Variants in ESRP1 observed in about 807,000 individuals in gnomAD.
The protein encoded by ESRP1 is RNA-binding motif protein 35A.
In ESRP1, 33 loss-of-function variants were observed where a neutral mutation model predicts 81.7. The observed-to-expected ratio is 0.40, with a 90% CI of 0.31 to 0.54. ESRP1 has a LOEUF of 0.54. ESRP1 is among the 20% of genes least tolerant of loss of function. The pLI, the probability that ESRP1 is intolerant of heterozygous loss-of-function variation, is 0.41. For synonymous variants in ESRP1, 320 were observed against 303.3 expected (o/e 1.06, Z -0.57); for missense variants, 672 against 833.1 (o/e 0.81, Z 2.38).
chr8:94,696,968 C>A lies in ESRP1; in HGVS notation c.*35+7C>A. ...AACATCCTCAGAAAAGAAGGTAAGG[C>A]TTTATGATGTGCAAGTTAAATTATA... On this transcript the variant is annotated splice_region_variant and intron_variant, in intron 15 of 15. Coordinates refer to ENST00000433389, the MANE Select transcript of ESRP1 (RefSeq NM_017697.4). The A allele has an allele frequency of 2.6e-6, 4 of 1,528,220 alleles. No individual in the cohort carries two copies. The highest frequency in any genetic ancestry group is 3.5e-6 in the Non-Finnish European group (4 of 1,135,352). The allele number at this position is 1,528,220 out of a possible 1,614,324, so 94.7% of individuals were successfully genotyped here.
At chr8:94,696,729 T>C in intron 14 of ESRP1, 123 bp from the exon 15 acceptor site, 1 of 686,230 alleles carries the variant, frequency 1.5e-6, no homozygotes, top group Non-Finnish European at 2.4e-6. Flanking sequence ...GGCTTGTACC[T>C]GTGTTTGTTT....
intron 15 of ESRP1, among the ~76,000 whole-genome samples, chr8:94,700,573 C>T (rs1809782435): frequency 2.0e-5 from 3 of 152,210 alleles, no homozygotes; most frequent in Admixed American, 6.5e-5. Flanking sequence ...ATGAATACCT[C>T]TTATTTTATG....
intron 10 of ESRP1, among the ~76,000 whole-genome samples, chr8:94,668,867 A>G (rs967911932): frequency 4.2e-5 from 6 of 144,446 alleles, no homozygotes; most frequent in African/African-American, 1.1e-4. Flanking sequence ...ATCTCTGCTC[A>G]CTGCAACCTC....
chr8:94,692,790 G>A lies in ESRP1; in HGVS notation c.1934G>A (p.Gly645Glu). Residue 645 changes from glycine (G) to glutamate (E), a missense_variant, in exon 14 of 16, where the codon GGA becomes GAA. Transcript: ENST00000433389. Reference protein sequence around the residue: ...VRMQGLAYNTGVKEILNFFQG... With the variant: ...VRMQGLAYNTEVKEILNFFQG... Reference sequence around the variant, plus strand: ...ATGCAGGGCCTGGCCTACAATACTGGAGTTAAGGAAATTCTTAACTTCTTC... The same window carrying A: ...ATGCAGGGCCTGGCCTACAATACTGAAGTTAAGGAAATTCTTAACTTCTTC... 1 of 1,613,680 alleles carries A rather than the reference G, an allele frequency of 6.2e-7. No homozygotes were observed. The highest frequency in any genetic ancestry group is 8.5e-7 in the Non-Finnish European group (1 of 1,179,804).
chr8:94,704,792 A>AAAAAC (rs1809997701), intron 15 of ESRP1, among the ~76,000 whole-genome samples: 1 of 132,106 alleles, frequency 7.6e-6, no homozygotes, highest in Admixed American at 7.8e-5. Context: ...AAAAAAAAAA[A>AAAAAC]ACTGCAGTGA....
chr8:94,679,289 T>A (rs755539245), intron 13 of ESRP1, among the ~76,000 whole-genome samples: 4 of 152,252 alleles, frequency 2.6e-5, no homozygotes, highest in Non-Finnish European at 4.4e-5. Flanking sequence ...CTATGACAGT[T>A]GTCAGCTAGC....
intron 13 of ESRP1, among the ~76,000 whole-genome samples, chr8:94,680,845 C>T (rs1183608998): frequency 6.6e-6 from 1 of 152,104 alleles, no homozygotes; most frequent in Non-Finnish European, 1.5e-5. Flanking sequence ...AAATCTGAAA[C>T]AGCATATTCT....
At position 94,672,651 on chromosome 8, in the gene ESRP1, G is replaced by T. The variant is rs1461743939; in HGVS notation, c.1452+980G>T. ...GAGTTCAAGCAATTCTCCTGCCTCA[G>T]CTTCCCGAGTAGCTGGGATTACAGG... is the stretch of plus-strand genomic sequence containing the variant. On this transcript the variant is annotated intron_variant, in intron 11 of 15. Transcript: ENST00000433389. 1.3e-4 allele frequency among the ~76,000 whole-genome samples: 20 copies of T among 152,104 alleles called. No homozygotes were observed. The South Asian group carries it at 1.5e-3, about 11-fold the overall frequency.
At chr8:94,667,189 G>C (rs563554893) in intron 9 of ESRP1, among the ~76,000 whole-genome samples, 1 of 150,834 alleles carries the variant, frequency 6.6e-6, no homozygotes, top group East Asian at 1.9e-4. Flanking sequence ...CTGCACTCCA[G>C]CCTAGGAGAC....
intron 13 of ESRP1, 56 bp from the exon 14 acceptor site, chr8:94,692,621 G>T (rs1481801378): frequency 2.0e-6 from 3 of 1,531,176 alleles, no homozygotes; most frequent in Non-Finnish European, 2.7e-6. Context: ...TGTTTTTATA[G>T]TAAGTATTCA....
chr8:94,643,951 G>A (rs1243433441), intron 3 of ESRP1, among the ~76,000 whole-genome samples: 1 of 152,176 alleles, frequency 6.6e-6, no homozygotes, highest in Non-Finnish European at 1.5e-5. Flanking sequence ...ACTTAAATAA[G>A]ATAACCTTAT....
chr8:94,703,636 C>T (rs915028106), intron 15 of ESRP1, among the ~76,000 whole-genome samples: 3 of 152,318 alleles, frequency 2.0e-5, no homozygotes. Flanking sequence ...TTGGTACTCA[C>T]TGACTCTAAT....
Position 94,653,064 on chromosome 8 carries a change from T to C in ESRP1, c.490+6782T>C, listed in dbSNP as rs184811895. Among the ~76,000 whole-genome samples the C allele has an allele frequency of 5.1e-4, 78 of 152,336 alleles. 2 individuals are homozygous for C. The East Asian group carries it at 0.013, about 26-fold the overall frequency. On this transcript the variant is annotated intron_variant, in intron 4 of 15. Transcript: ENST00000433389. ...TTAATTTTGTAAAATATGTATTCCA[T>C]GATAGGGTATTGCATTTGTATGTGC... is the stretch of plus-strand genomic sequence containing the variant.
At chr8:94,679,300 T>A (rs1808772498) in intron 13 of ESRP1, among the ~76,000 whole-genome samples, 1 of 152,254 alleles carries the variant, frequency 6.6e-6, no homozygotes, top group Non-Finnish European at 1.5e-5. Context: ...GTCAGCTAGC[T>A]GTCTTCTGAA....
At chr8:94,646,102 C>T in intron 3 of ESRP1, 66 bp from the exon 4 acceptor site, 16 of 835,430 alleles carry the variant, frequency 1.9e-5, no homozygotes, top group South Asian at 9.5e-5. Flanking sequence ...TTTTAGGTTC[C>T]TAATTGTGAG....
Position 94,706,024 on chromosome 8 carries a change from G to A in ESRP1, c.*135G>A. The A allele has an allele frequency of 7.1e-7, 1 of 1,405,734 alleles. No homozygotes were observed. The highest frequency in any genetic ancestry group is 9.6e-7 in the Non-Finnish European group (1 of 1,043,672). 87.1% of individuals were successfully genotyped at this position (1,405,734 alleles called of 1,614,324 possible). ...CTACACTCAGGCTGCAGTATTTTCA[G>A]CAAACTTGATTGGACAAACGGGCCT... is the stretch of plus-strand genomic sequence containing the variant. On this transcript the variant is annotated 3_prime_UTR_variant, in exon 16 of 16. Transcript: ENST00000433389.
intron 3 of ESRP1, among the ~76,000 whole-genome samples, chr8:94,644,111 TAC>T (rs1268533020): frequency 3.9e-5 from 6 of 152,196 alleles, no homozygotes; most frequent in African/African-American, 1.4e-4. Flanking sequence ...GTGAGAGAAA[TAC>T]AGTCTTACTA....
chr8:94,686,465 T>C (rs970814406), intron 13 of ESRP1, among the ~76,000 whole-genome samples: 2 of 152,210 alleles, frequency 1.3e-5, no homozygotes, highest in African/African-American at 4.8e-5. Context: ...TTAATTTCTT[T>C]CCCTTCATTT....
intron 4 of ESRP1, among the ~76,000 whole-genome samples, chr8:94,661,792 G>A (rs1470420033): frequency 6.6e-6 from 1 of 152,152 alleles, no homozygotes; most frequent in East Asian, 1.9e-4. Context: ...CTAAGCAAAA[G>A]TGGCATTGTG....
Sources: gnomAD v4.1 joint callset for allele counts (sites outside exome capture counted in the v4.1 genomes callset) on GRCh38, gnomAD v4.1.1 for gene constraint, MANE v1.5 for transcripts, NCBI Gene and HGNC (gene_info 2026-07-23, HGNC 2026-07-21) for gene names.